Variants in FAM20C observed in about 807,000 individuals in gnomAD.
The protein encoded by FAM20C is extracellular serine/threonine protein kinase FAM20C.
Under a neutral mutation model 51.5 loss-of-function variants are expected in FAM20C, and 40 were observed. The ratio of observed to expected loss-of-function variants is 0.78; its 90% CI spans 0.60 to 1.01. The LOEUF (loss-of-function observed/expected upper bound fraction) is 1.01. Among genes scored for constraint, FAM20C ranks in the 50% least tolerant of loss-of-function variants. The pLI is 0.00. For synonymous variants in FAM20C, 406 were observed against 380.6 expected, an observed-to-expected ratio of 1.07 and a Z score of -0.78; for missense variants, 861 against 844.7, an observed-to-expected ratio of 1.02 and a Z score of -0.24.
intron 3 of FAM20C, among the ~76,000 whole-genome samples, chr7:224,227 CT>C (rs1273005955): frequency 6.0e-5 from 8 of 133,372 alleles, no homozygotes; most frequent in Non-Finnish European, 9.6e-5. Context: ...TGAGCCTTCT[CT>C]CACGGAGCAG....
chr7:196,692 C>G (rs1476554097), intron 2 of FAM20C, among the ~76,000 whole-genome samples: 1 of 152,170 alleles, frequency 6.6e-6, no homozygotes, highest in African/African-American at 2.4e-5. Context: ...GGGTTCTGTC[C>G]AGTTGCTGAC....
At position 198,091 on chromosome 7, in the gene FAM20C, G is replaced by A. The variant is rs191182546; in HGVS notation, c.784+2359G>A. 4.6e-5 allele frequency among the ~76,000 whole-genome samples: 7 copies of A among 152,228 alleles called. No individual in the cohort carries two copies. The East Asian group carries it at 9.7e-4, about 21-fold the overall frequency. Reference sequence around the variant, plus strand: ...CTGCCCCAGCTGATCTCGCTCGCTCGCCTCCTAGACCATGCTGGCCACATT... The same window carrying A: ...CTGCCCCAGCTGATCTCGCTCGCTCACCTCCTAGACCATGCTGGCCACATT... On this transcript the variant is annotated intron_variant, in intron 2 of 9. Transcript: ENST00000313766.
Position 259,675 on chromosome 7 carries a change from C to G in FAM20C, c.1506-56C>G, listed in dbSNP as rs377634404. 1.9e-5 allele frequency: 28 copies of G among 1,465,790 alleles called. No individual in the cohort carries two copies. In the East Asian group the frequency reaches 6.8e-4, roughly 36 times the overall value. The allele number at this position is 1,465,790 out of a possible 1,614,324, so 90.8% of individuals were successfully genotyped here. ...TCCCTCTCACTTTCTCTCGCTTTCCCGTGGGCAGGCATCTCCCCTGTCCCG... is the reference window on the plus strand; with the variant it reads ...TCCCTCTCACTTTCTCTCGCTTTCCGGTGGGCAGGCATCTCCCCTGTCCCG... On this transcript the variant is annotated intron_variant, in intron 9 of 9. Transcript: ENST00000313766.
chr7:207,752 C>T (rs916251552), intron 2 of FAM20C, among the ~76,000 whole-genome samples: 3 of 152,352 alleles, frequency 2.0e-5, no homozygotes, highest in South Asian at 2.1e-4. Flanking sequence ...GTCCACAGCG[C>T]GTGACAATCT....
chr7:259,610 C>T, intron 9 of FAM20C, 121 bp from the exon 10 acceptor site: 1 of 1,235,828 alleles, frequency 8.1e-7, no homozygotes, highest in South Asian at 1.6e-5. Flanking sequence ...GTCTCTGTCC[C>T]CCTCTTTCTC....
At chr7:250,497 C>G (rs1201794158) in intron 5 of FAM20C, among the ~76,000 whole-genome samples, 2 of 152,338 alleles carry the variant, frequency 1.3e-5, no homozygotes, top group East Asian at 3.9e-4. Context: ...CTGAGCCAGG[C>G]ACACCTCCAG....
chr7:230,752 ATTGGTAAATGAAGGGAAAAT>A (rs1787637938), intron 3 of FAM20C, among the ~76,000 whole-genome samples: 1 of 43,096 alleles, frequency 2.3e-5, no homozygotes, highest in African/African-American at 3.9e-5. Flanking sequence ...AATAATACCT[ATTGGTAAATGAAGGGAAAAT>A]TCCTGTGTGT....
intron 3 of FAM20C, among the ~76,000 whole-genome samples, chr7:219,484 G>A (rs1031805859): frequency 6.6e-6 from 1 of 152,180 alleles, no homozygotes. Context: ...GGGGTCTGAG[G>A]GAGGCGCGTT....
chr7:227,131 T>C (rs938942015), intron 3 of FAM20C, among the ~76,000 whole-genome samples: 7 of 152,144 alleles, frequency 4.6e-5, no homozygotes, highest in African/African-American at 1.4e-4. Context: ...TCATTTTTTT[T>C]TTCCAAAAGC....
intron 3 of FAM20C, chr7:229,050 G>A (rs1284322746): frequency 1.5e-5 from 5 of 328,474 alleles, no homozygotes; most frequent in Non-Finnish European, 2.3e-5. Context: ...CCACCAAGAT[G>A]CCTCCCTGTC....
rs753268141 is a variant in FAM20C, at chr7:193,522, A to T, written c.323A>T (p.Glu108Val). 5 of 1,499,768 alleles carry T rather than the reference A, an allele frequency of 3.3e-6. No homozygotes were observed. In the Admixed American group the frequency reaches 8.6e-5, roughly 26 times the overall value. 92.9% of individuals were successfully genotyped at this position (1,499,768 alleles called of 1,614,324 possible). A position where few individuals can be genotyped will look rare whatever the true frequency, so the allele number is the denominator to read the frequency against. Residue 108 changes from glutamate (E) to valine (V), a missense_variant, in exon 1 of 10, where the codon GAG (glutamate) becomes GTG (valine). Coordinates refer to ENST00000313766, the MANE Select transcript of FAM20C (RefSeq NM_020223.4). ...TCCAACCTCTCGTCCCACTCGCTGG[A>T]GAAACTGCCGCCCGCGGCCGAGCCG... ...PSSNLSSHSL[E>V]KLPPAAEPAE...
At chr7:246,553 AC>A in intron 4 of FAM20C, 46 bp downstream of exon 4, 2 of 1,226,838 alleles carry the variant, frequency 1.6e-6, no homozygotes, top group Non-Finnish European at 2.1e-6. Context: ...GTGCGCTCAG[AC>A]CCACCGGTGA....
At chr7:217,993 CG>C (rs1363695060) in intron 3 of FAM20C, among the ~76,000 whole-genome samples, 1 of 152,136 alleles carries the variant, frequency 6.6e-6, no homozygotes, top group Non-Finnish European at 1.5e-5. Flanking sequence ...GAGGGCTGCC[CG>C]TCCCCGTCGG....
chr7:246,387 C>G (rs761615358), intron 3 of FAM20C, 28 bp from the exon 4 acceptor site: 1 of 1,502,236 alleles, frequency 6.7e-7, no homozygotes, highest in Non-Finnish European at 8.9e-7. Context: ...AGTGACAAAC[C>G]GTTTCTGTTT....
chr7:230,441 C>T (rs1583317462), intron 3 of FAM20C, among the ~76,000 whole-genome samples: 1 of 150,602 alleles, frequency 6.6e-6, no homozygotes, highest in Admixed American at 6.6e-5. Context: ...TACAGCAGAG[C>T]CTCGTGGCTG....
At position 253,527 on chromosome 7, in the gene FAM20C, C is replaced by T. The variant is rs149420925; in HGVS notation, c.1073-2322C>T. On this transcript the variant is annotated intron_variant, in intron 5 of 9. Transcript: ENST00000313766. ...TTATTATTACTAAAATGGAAAAGGACTCACGCTCCTTCCTCCCAGAAAGCC... is the reference window on the plus strand; with the variant it reads ...TTATTATTACTAAAATGGAAAAGGATTCACGCTCCTTCCTCCCAGAAAGCC... Among the ~76,000 whole-genome samples, 353 of 140,628 alleles carry T rather than the reference C, an allele frequency of 2.5e-3. 8 individuals carry two copies. The East Asian group carries it at 0.042, about 17-fold the overall frequency. The allele number at this position is 140,628 out of a possible 152,430, so 92.3% of individuals were successfully genotyped here.
At chr7:253,052 G>A (rs977043765) in intron 5 of FAM20C, among the ~76,000 whole-genome samples, 15 of 152,314 alleles carry the variant, frequency 9.8e-5, no homozygotes, top group Non-Finnish European at 1.5e-4. Context: ...CATCCGCTTC[G>A]CCTTTTTTCC....
At chr7:249,571 G>C (rs139931311) in intron 5 of FAM20C, among the ~76,000 whole-genome samples, 1 of 152,134 alleles carries the variant, frequency 6.6e-6, no homozygotes, top group Non-Finnish European at 1.5e-5. Flanking sequence ...TGAGACCCCT[G>C]TCTACAGGAA....
chr7:199,997 A>G (rs1786056415), intron 2 of FAM20C, among the ~76,000 whole-genome samples: 1 of 152,228 alleles, frequency 6.6e-6, no homozygotes, highest in Non-Finnish European at 1.5e-5. Flanking sequence ...TGCAGGACCA[A>G]AGTTCTTGAC....
Sources: allele counts gnomAD v4.1 joint callset (sites outside exome capture counted in the v4.1 genomes callset), GRCh38; gene constraint gnomAD v4.1.1; transcripts MANE v1.5; gene names NCBI Gene and HGNC (gene_info 2026-07-23, HGNC 2026-07-21).